The following CWC27 variants were observed in gnomAD, a reference collection of about 807,000 sequenced individuals.
The protein encoded by CWC27 is spliceosome-associated protein CWC27 homolog.
In CWC27, 47 loss-of-function variants were observed where a neutral mutation model predicts 63.6. The observed-to-expected ratio is 0.74, with a 90% CI of 0.58 to 0.94. The LOEUF (loss-of-function observed/expected upper bound fraction) is 0.94, where lower values mean the gene tolerates loss of function less well. Ranked by LOEUF, CWC27 falls within the 40% of genes least tolerant of loss-of-function variation. CWC27 has a pLI of 0.00. For missense variants in CWC27, 495 were observed against 554.3 expected (o/e 0.89, Z 1.07); for synonymous variants, 175 against 179.8 (o/e 0.97, Z 0.22).
At chr5:64,909,078 G>C (rs899912178) in intron 11 of CWC27, among the ~76,000 whole-genome samples, 4 of 152,228 alleles carry the variant, frequency 2.6e-5, no homozygotes, top group African/African-American at 9.6e-5. Flanking sequence ...GGGCAGGCCT[G>C]GTGGTGACAA....
At chr5:64,840,384 AAAAAAAAAAAATATATATATAT>A (rs1745784190) in intron 10 of CWC27, among the ~76,000 whole-genome samples, 4 of 67,226 alleles carry the variant, frequency 6.0e-5, no homozygotes, top group Admixed American at 1.5e-4. Flanking sequence ...AAAAAAAAAA[AAAAAAAAAAAATATATATATAT>A]ATATATATAT....
intron 13 of CWC27, among the ~76,000 whole-genome samples, chr5:65,017,373 T>C (rs1486865864): frequency 6.6e-6 from 1 of 152,192 alleles, no homozygotes; most frequent in Non-Finnish European, 1.5e-5. Flanking sequence ...TGTTCTGAAG[T>C]CTGCTCTTTG....
chr5:64,942,605 C>T (rs984230754), intron 11 of CWC27, among the ~76,000 whole-genome samples: 8 of 152,020 alleles, frequency 5.3e-5, no homozygotes, highest in Non-Finnish European at 1.0e-4. Context: ...CAGTTTTATA[C>T]GCACCAAAAG....
intron 10 of CWC27, chr5:64,807,818 T>C (rs1193474727): frequency 6.5e-7 from 1 of 1,533,972 alleles, no homozygotes; most frequent in Admixed American, 2.0e-5. Flanking sequence ...AGTAAATTTC[T>C]TCAACCCGTA....
intron 11 of CWC27, among the ~76,000 whole-genome samples, chr5:64,947,101 A>G (rs187284054): frequency 6.6e-5 from 10 of 152,252 alleles, no homozygotes; most frequent in South Asian, 4.1e-4. Context: ...GCAACCTGCT[A>G]TAGTCTATTC....
chr5:64,958,835 A>G (rs1748851425), intron 11 of CWC27, among the ~76,000 whole-genome samples: 1 of 152,172 alleles, frequency 6.6e-6, no homozygotes, highest in African/African-American at 2.4e-5. Context: ...GAAGAAAAAA[A>G]TAACACTTCC....
intron 13 of CWC27, among the ~76,000 whole-genome samples, chr5:64,987,779 C>T (rs959001961): frequency 2.0e-5 from 3 of 152,206 alleles, no homozygotes; most frequent in African/African-American, 7.2e-5. Flanking sequence ...TTCTGTTCTG[C>T]ATGGTTTCTT....
At chr5:64,789,497 A>G (rs1016378902) in intron 7 of CWC27, among the ~76,000 whole-genome samples, 2 of 152,116 alleles carry the variant, frequency 1.3e-5, no homozygotes, top group Admixed American at 6.6e-5. Context: ...GCTATAGTTT[A>G]TAATTTGCTC....
At chr5:64,930,478 T>C (rs1748215585) in intron 11 of CWC27, among the ~76,000 whole-genome samples, 1 of 151,992 alleles carries the variant, frequency 6.6e-6, no homozygotes, top group Non-Finnish European at 1.5e-5. Flanking sequence ...AATTCATGAA[T>C]CCATGAGGAT....
At chr5:65,015,931 G>A (rs1223683177) in intron 13 of CWC27, among the ~76,000 whole-genome samples, 2 of 152,186 alleles carry the variant, frequency 1.3e-5, no homozygotes, top group Non-Finnish European at 2.9e-5. Flanking sequence ...CAGCCGACAG[G>A]CCAACTTTCA....
chr5:64,899,358 C>G (rs947783053), intron 11 of CWC27, among the ~76,000 whole-genome samples: 1 of 152,162 alleles, frequency 6.6e-6, no homozygotes, highest in African/African-American at 2.4e-5. Flanking sequence ...ATGCCTAATA[C>G]TTTGCATAGT....
At position 64,900,656 on chromosome 5, in the gene CWC27, GT is replaced by G. The variant is rs554691314; in HGVS notation, c.1042+15120del. ...TCAAACTCAAAAAGATCTTCTATGT[GT>G]TTTTTTTTTAGAAATTTTGTAGTTT... On this transcript the variant is annotated intron_variant, in intron 11 of 13. Transcript: ENST00000381070. Among the ~76,000 whole-genome samples, 14 of 146,036 alleles carry G rather than the reference GT, an allele frequency of 9.6e-5. No homozygotes were observed. The East Asian group carries it at 1.2e-3, about 12-fold the overall frequency.
chr5:64,865,459 A>G (rs1746510258), intron 10 of CWC27, among the ~76,000 whole-genome samples: 1 of 152,088 alleles, frequency 6.6e-6, no homozygotes, highest in African/African-American at 2.4e-5. Context: ...TATTCATGAT[A>G]TAGCATAGGA....
intron 10 of CWC27, among the ~76,000 whole-genome samples, chr5:64,880,459 A>C (rs762832082): frequency 5.3e-5 from 8 of 151,954 alleles, no homozygotes; most frequent in Non-Finnish European, 8.8e-5. Flanking sequence ...AAGATTATTG[A>C]GGGATAGAGG....
chr5:64,859,169 CAT>C (rs1746335467), intron 10 of CWC27, among the ~76,000 whole-genome samples: 2 of 152,058 alleles, frequency 1.3e-5, no homozygotes, highest in Non-Finnish European at 2.9e-5. Flanking sequence ...TTAAAAAGAA[CAT>C]AGTGCATGAT....
intron 10 of CWC27, chr5:64,845,024 C>T: frequency 2.2e-6 from 1 of 456,674 alleles, no homozygotes; most frequent in Non-Finnish European, 4.4e-6. Flanking sequence ...TTGCAACTGG[C>T]CTGATGAGAA....
Position 64,769,108 on chromosome 5 carries a change from C to A in CWC27, c.-39C>A. 2 of 1,602,090 alleles carry A rather than the reference C, an allele frequency of 1.2e-6. No individual in the cohort carries two copies. Among genetic ancestry groups the A allele is most frequent in the Non-Finnish European group, 1.7e-6 (2 of 1,170,002 alleles). On this transcript the variant is annotated 5_prime_UTR_variant, in exon 1 of 14. Transcript: ENST00000381070. ...GCTTTAGTGGCCGGCCGGCCGCTCT[C>A]ATCCCCCGTAAGGAGCAGAGTCCTT...
chr5:64,818,107 A>C (rs74846849), intron 10 of CWC27, among the ~76,000 whole-genome samples: 2,544 of 152,190 alleles, frequency 0.017, 68 homozygotes, highest in African/African-American at 0.059. Context: ...ATTATATGAT[A>C]ATTGGTGGGT....
chr5:64,899,650 C>T (rs1747457319), intron 11 of CWC27, among the ~76,000 whole-genome samples: 1 of 152,146 alleles, frequency 6.6e-6, no homozygotes, highest in Non-Finnish European at 1.5e-5. Flanking sequence ...ACAGAATCCA[C>T]AAACAAAACT....
Sources: allele counts gnomAD v4.1 joint callset (sites outside exome capture counted in the v4.1 genomes callset), GRCh38; gene constraint gnomAD v4.1.1; transcripts MANE v1.5; gene names NCBI Gene and HGNC (gene_info 2026-07-23, HGNC 2026-07-21).